Variants in PGBD2 observed in about 807,000 individuals in gnomAD.
PGBD2 encodes the protein piggyBac transposable element-derived protein 2.
A neutral mutation model predicts 8.1 loss-of-function variants in PGBD2; 6 were observed. That is an observed-to-expected ratio of 0.74 (90% CI 0.40 to 1.46). PGBD2 has a LOEUF of 1.46. Ranked by LOEUF, PGBD2 falls within the 40% of genes most tolerant of loss-of-function variation. The probability of loss-of-function intolerance (pLI) is 0.02; values close to 1 mark genes in which losing one functional copy is unlikely to be tolerated. For synonymous variants in PGBD2, 318 were observed against 272.2 expected (o/e 1.17, Z -1.66); for missense variants, 802 against 739.0 (o/e 1.09, Z -0.99).
intron 1 of PGBD2, among the ~76,000 whole-genome samples, chr1:248,910,380 T>C (rs1661825559): frequency 6.6e-6 from 1 of 152,222 alleles, no homozygotes; most frequent in Non-Finnish European, 1.5e-5. Context: ...AGTTAACACT[T>C]GGGAATCCAG....
the PGBD2 span, among the ~76,000 whole-genome samples, chr1:248,897,568 G>T: frequency 6.6e-6 from 1 of 152,216 alleles, no homozygotes; most frequent in South Asian, 2.1e-4. Context: ...TTGGGTCCCA[G>T]GCACAGAGCT....
chr1:248,911,464 C>T (rs1032535254), intron 1 of PGBD2, among the ~76,000 whole-genome samples: 4 of 148,816 alleles, frequency 2.7e-5, no homozygotes, highest in South Asian at 2.1e-4. Context: ...GATCCCAAGG[C>T]AGAAGAAGTT....
chr1:248,898,167 A>C, the PGBD2 span, among the ~76,000 whole-genome samples: 1 of 152,122 alleles, frequency 6.6e-6, no homozygotes, highest in Non-Finnish European at 1.5e-5. Flanking sequence ...GGCTTTGGAG[A>C]GTCTGGGCAG....
At chr1:248,914,591 C>T in intron 2 of PGBD2, 10 of 1,289,000 alleles carry the variant, frequency 7.8e-6, no homozygotes, top group African/African-American at 1.5e-5. Flanking sequence ...GTGGTAAATC[C>T]TGCATCCTTC....
At chr1:248,927,566 A>G in the PGBD2 span, among the ~76,000 whole-genome samples, 3 of 152,210 alleles carry the variant, frequency 2.0e-5, no homozygotes, top group Non-Finnish European at 4.4e-5. Flanking sequence ...TTATACCATG[A>G]AAGTAGCCAG....
At chr1:248,889,394 A>G in the PGBD2 span, among the ~76,000 whole-genome samples, 1 of 151,960 alleles carries the variant, frequency 6.6e-6, no homozygotes, top group Non-Finnish European at 1.5e-5. Context: ...TCTCAAAAAG[A>G]AAATAAATAA....
the PGBD2 span, among the ~76,000 whole-genome samples, chr1:248,874,536 A>G: frequency 6.6e-6 from 1 of 152,218 alleles, no homozygotes; most frequent in Non-Finnish European, 1.5e-5. Flanking sequence ...AAATGCCAGC[A>G]GCACAAAATG....
At chr1:248,899,564 C>G in the PGBD2 span, among the ~76,000 whole-genome samples, 1 of 152,068 alleles carries the variant, frequency 6.6e-6, no homozygotes, top group South Asian at 2.1e-4. Context: ...AGACAACACA[C>G]CAGAATCTCT....
intron 1 of PGBD2, among the ~76,000 whole-genome samples, chr1:248,906,904 G>A (rs1661663419): frequency 1.3e-5 from 2 of 152,160 alleles, no homozygotes; most frequent in Non-Finnish European, 2.9e-5. Flanking sequence ...AAGCCATTCT[G>A]AGCTGTTGGG....
the PGBD2 span, among the ~76,000 whole-genome samples, chr1:248,879,429 C>G: frequency 6.6e-6 from 1 of 152,170 alleles, no homozygotes; most frequent in African/African-American, 2.4e-5. Flanking sequence ...GGATCCTTCT[C>G]TGTCACTCAG....
the PGBD2 span, among the ~76,000 whole-genome samples, chr1:248,925,149 C>G: frequency 6.6e-6 from 1 of 152,138 alleles, no homozygotes; most frequent in Non-Finnish European, 1.5e-5. Flanking sequence ...AGCACATTCA[C>G]ACGTGTGTCA....
At chr1:248,890,678 C>T in the PGBD2 span, among the ~76,000 whole-genome samples, 1 of 151,568 alleles carries the variant, frequency 6.6e-6, no homozygotes. Context: ...TACACACATG[C>T]ACCATACACA....
At chr1:248,913,604 C>T (rs989679748) in intron 1 of PGBD2, among the ~76,000 whole-genome samples, 8 of 152,086 alleles carry the variant, frequency 5.3e-5, no homozygotes, top group Non-Finnish European at 1.0e-4. Context: ...CTCATCTAGC[C>T]CCAAATATCA....
the PGBD2 span, among the ~76,000 whole-genome samples, chr1:248,885,040 C>T: frequency 6.6e-6 from 1 of 152,028 alleles, no homozygotes; most frequent in South Asian, 2.1e-4. Context: ...TCATAGTGGC[C>T]AGAACTCAGT....
At chr1:248,898,753 GA>G in the PGBD2 span, among the ~76,000 whole-genome samples, 2 of 151,996 alleles carry the variant, frequency 1.3e-5, no homozygotes, top group African/African-American at 4.8e-5. Flanking sequence ...AATTCACAAA[GA>G]AAAACATTAA....
chr1:248,928,353 A>C, the PGBD2 span, among the ~76,000 whole-genome samples: 3 of 152,142 alleles, frequency 2.0e-5, no homozygotes, highest in Non-Finnish European at 4.4e-5. Context: ...TCCTTTTATG[A>C]CTGGCCTTTC....
chr1:248,890,027 A>G, the PGBD2 span, among the ~76,000 whole-genome samples: 1 of 150,964 alleles, frequency 6.6e-6, no homozygotes, highest in Non-Finnish European at 1.5e-5. Context: ...TCCCGGGTTC[A>G]AGTGATTCTC....
At chr1:248,890,748 C>T in the PGBD2 span, among the ~76,000 whole-genome samples, 1 of 151,482 alleles carries the variant, frequency 6.6e-6, no homozygotes, top group Non-Finnish European at 1.5e-5. Flanking sequence ...CCACACTACA[C>T]ATTATACATT....
At chr1:248,895,834 C>T in the PGBD2 span, among the ~76,000 whole-genome samples, 1 of 151,794 alleles carries the variant, frequency 6.6e-6, no homozygotes, top group Non-Finnish European at 1.5e-5. Context: ...ACTACAGGCA[C>T]GTGCCACCAC....
Sources: gnomAD v4.1 joint callset for allele counts (sites outside exome capture counted in the v4.1 genomes callset) on GRCh38, gnomAD v4.1.1 for gene constraint, MANE v1.5 for transcripts, NCBI Gene and HGNC (gene_info 2026-07-23, HGNC 2026-07-21) for gene names.